The following ZNF234 variants were observed in gnomAD, a reference collection of about 807,000 sequenced individuals.
The protein encoded by ZNF234 is C2-H2 type zinc finger protein.
A neutral mutation model predicts 10.3 loss-of-function variants in ZNF234; 4 were observed. That is an observed-to-expected ratio of 0.39 (90% CI 0.19 to 0.89). The LOEUF (loss-of-function observed/expected upper bound fraction) is 0.89, where lower values mean the gene tolerates loss of function less well. Among genes scored for constraint, ZNF234 ranks in the 40% least tolerant of loss-of-function variants. The probability of loss-of-function intolerance (pLI) is 0.38; values close to 1 mark genes in which losing one functional copy is unlikely to be tolerated. For missense variants in ZNF234, 711 were observed against 836.1 expected (o/e 0.85, Z 1.85); for synonymous variants, 258 against 280.1 (o/e 0.92, Z 0.79).
chr19:44,156,741 G>T lies in ZNF234; in HGVS notation c.725G>T (p.Ser242Ile). 6.2e-7 allele frequency: 1 copy of T among 1,613,972 alleles called. No homozygotes were observed. The highest frequency in any genetic ancestry group is 1.7e-5 in the Admixed American group (1 of 60,012). ...FKCVECGKGF[S>I]RRSTLTVHCK... ...TGTGTGGAATGTGGGAAAGGCTTCA[G>T]TCGTAGATCAACACTTACTGTACAT... Residue 242 changes from serine (S) to isoleucine (I), a missense_variant, in exon 6 of 6, where the codon AGT (serine) becomes ATT (isoleucine). Physicochemically the swap from Ser to Ile is moderately radical, Grantham distance 142. Transcript: ENST00000426739.
chr19:44,155,213 C>G (rs948432769), intron 5 of ZNF234, among the ~76,000 whole-genome samples: 2 of 152,054 alleles, frequency 1.3e-5, no homozygotes, highest in Non-Finnish European at 2.9e-5. Context: ...TCTGTCAACA[C>G]AGAAAAATAA....
In ZNF234 at chr19:44,159,637, G is replaced by A. The variant is rs748057195; in HGVS notation, c.*1518G>A. On this transcript the variant is annotated 3_prime_UTR_variant, in exon 6 of 6. Coordinates refer to ENST00000426739, the MANE Select transcript of ZNF234 (RefSeq NM_006630.3). ...TAAAGTGTCAGAAGTAGTTGCCAAT[G>A]CCAAATTTTTATCAGCCCCCTTGAA... 1 of 473,792 alleles carries A rather than the reference G, an allele frequency of 2.1e-6. No homozygotes were observed. The highest frequency in any genetic ancestry group is 4.3e-6 in the Non-Finnish European group (1 of 229,956). 29.3% of individuals were successfully genotyped at this position (473,792 alleles called of 1,614,324 possible).
At chr19:44,146,277 A>G (rs1184528179) in intron 3 of ZNF234, among the ~76,000 whole-genome samples, 3 of 152,042 alleles carry the variant, frequency 2.0e-5, no homozygotes, top group African/African-American at 7.2e-5. Flanking sequence ...TGGTTATATA[A>G]AGTCTTTAAA....
At position 44,158,815 on chromosome 19, in the gene ZNF234, C is replaced by A. The variant is rs1568556274; in HGVS notation, c.*696C>A. 1 of 153,506 alleles carries A rather than the reference C, an allele frequency of 6.5e-6. No homozygotes were observed. Among genetic ancestry groups the A allele is most frequent in the African/African-American group, 2.4e-5 (1 of 41,376 alleles). 9.5% of individuals were successfully genotyped at this position (153,506 alleles called of 1,614,324 possible). A position where few individuals can be genotyped will look rare whatever the true frequency, so the allele number is the denominator to read the frequency against. On this transcript the variant is annotated 3_prime_UTR_variant, in exon 6 of 6. Transcript: ENST00000426739. Reference sequence around the variant, plus strand: ...CTGATGAAGGTGCCAGAATTGATGTCCATTAGACTGTAAGCTCCATGGGGG... The same window carrying A: ...CTGATGAAGGTGCCAGAATTGATGTACATTAGACTGTAAGCTCCATGGGGG...
intron 3 of ZNF234, 134 bp from the exon 4 acceptor site, chr19:44,148,637 A>C: frequency 8.1e-7 from 1 of 1,241,546 alleles, no homozygotes; most frequent in Non-Finnish European, 1.2e-6. Context: ...TGGAAGGAGA[A>C]GGGCTGAGAA....
intron 5 of ZNF234, among the ~76,000 whole-genome samples, chr19:44,151,468 A>T (rs1316566651): frequency 6.6e-6 from 1 of 152,208 alleles, no homozygotes; most frequent in Non-Finnish European, 1.5e-5. Context: ...AAGTGCTGGG[A>T]TTACAGGCAT....
intron 5 of ZNF234, 77 bp from the exon 6 acceptor site, chr19:44,156,175 G>A (rs888669166): frequency 4.9e-5 from 66 of 1,342,536 alleles, no homozygotes; most frequent in Admixed American, 9.7e-5. Flanking sequence ...TGTTAAAATC[G>A]CATGCTCTCG....
chr19:44,142,752 C>T (rs1968496150), intron 2 of ZNF234, among the ~76,000 whole-genome samples: 1 of 152,178 alleles, frequency 6.6e-6, no homozygotes, highest in Non-Finnish European at 1.5e-5. Context: ...TATTTTGTTT[C>T]ATTTATTACA....
At position 44,148,859 on chromosome 19, in the gene ZNF234, A is replaced by G; in HGVS notation, c.104A>G (p.Asp35Gly). The G allele has an allele frequency of 6.2e-7, 1 of 1,613,970 alleles. No homozygotes were observed. Among genetic ancestry groups the G allele is most frequent in the Non-Finnish European group, 8.5e-7 (1 of 1,179,886 alleles). ...LDPVQRNLYQ[D>G]VMLENFRNLL... Reference sequence around the variant, plus strand: ...CCTGTCCAGAGGAATCTGTACCAAGATGTGATGCTGGAGAACTTCAGGAAC... The same window carrying G: ...CCTGTCCAGAGGAATCTGTACCAAGGTGTGATGCTGGAGAACTTCAGGAAC... Residue 35 changes from aspartate (D) to glycine (G), a missense_variant, in exon 4 of 6, where the codon GAT becomes GGT. Coordinates refer to ENST00000426739, the MANE Select transcript of ZNF234 (RefSeq NM_006630.3).
At chr19:44,153,077 A>G (rs1055078716) in intron 5 of ZNF234, among the ~76,000 whole-genome samples, 5 of 151,154 alleles carry the variant, frequency 3.3e-5, no homozygotes, top group African/African-American at 9.7e-5. Context: ...TTCTTGCTCA[A>G]AATTGTCACA....
At chr19:44,146,806 CTTTTTTTTTTT>C (rs60083912) in intron 3 of ZNF234, among the ~76,000 whole-genome samples, 16 of 83,286 alleles carry the variant, frequency 1.9e-4, no homozygotes, top group Non-Finnish European at 3.0e-4. Flanking sequence ...CTCTCTCTCT[CTTTTTTTTTTT>C]TTTTTTTTTT....
At position 44,141,718 on chromosome 19, in the gene ZNF234, T is replaced by A. The variant is rs949628748; in HGVS notation, c.-146T>A. The A allele has an allele frequency of 6.6e-5, 10 of 152,408 alleles. No individual in the cohort carries two copies. The highest frequency in any genetic ancestry group is 2.4e-4 in the African/African-American group (10 of 41,434). 9.4% of individuals were successfully genotyped at this position (152,408 alleles called of 1,614,324 possible). On this transcript the variant is annotated 5_prime_UTR_variant, in exon 1 of 6. Coordinates refer to ENST00000426739, the MANE Select transcript of ZNF234 (RefSeq NM_006630.3). This position sits in a 1 kb window ranked among gnomAD's most constrained non-coding sequence, Gnocchi z 4.6. ...TGGTCCGGTTATGGGAAAAGAAGCC[T>A]CGTGGGAGAGCAGAGGTTTGGTGGG...
In ZNF234 at chr19:44,156,258, A is replaced by T; in HGVS notation, c.242A>T (p.Lys81Met). The change falls in exon 6 of 6, where the codon AAG (lysine) becomes ATG (methionine). Residue 81 changes from lysine to methionine, a missense_variant. Physicochemically the swap from Lys to Met is moderately conservative, Grantham distance 95. Coordinates refer to ENST00000426739, the MANE Select transcript of ZNF234 (RefSeq NM_006630.3). ...GAATTCTCTGTCCTTACAGCAGACA[A>T]GATCCAAAGTGAGGTGGAGACTGTT... ...ATQRKGKSAD[K>M]IQSEVETVPE... 6.5e-7 allele frequency: 1 copy of T among 1,545,594 alleles called. No homozygotes were observed. Among genetic ancestry groups the T allele is most frequent in the Non-Finnish European group, 8.7e-7 (1 of 1,152,000 alleles).
chr19:44,158,236 AT>A lies in ZNF234; in HGVS notation c.*120del. 1 of 1,133,896 alleles carries A rather than the reference AT, an allele frequency of 8.8e-7. No homozygotes were observed. The highest frequency in any genetic ancestry group is 1.3e-5 in the South Asian group (1 of 78,606). The allele number at this position is 1,133,896 out of a possible 1,614,324, so 70.2% of individuals were successfully genotyped here. A position where few individuals can be genotyped will look rare whatever the true frequency, so the allele number is the denominator to read the frequency against. On this transcript the variant is annotated 3_prime_UTR_variant, in exon 6 of 6. Transcript: ENST00000426739. ...ATTTATTTGATTTGTAACGCTCCAC[AT>A]TTCCACCTAGACTTTTTTTTGTTTT... is the stretch of plus-strand genomic sequence containing the variant.
chr19:44,158,117 T>C lies in ZNF234; in HGVS notation c.2101T>C (p.Ter701ArgextTer12). 6.6e-7 allele frequency: 1 copy of C among 1,520,792 alleles called. No homozygotes were observed. The highest frequency in any genetic ancestry group is 8.7e-7 in the Non-Finnish European group (1 of 1,153,566). The allele number at this position is 1,520,792 out of a possible 1,614,324, so 94.2% of individuals were successfully genotyped here. A position where few individuals can be genotyped will look rare whatever the true frequency, so the allele number is the denominator to read the frequency against. ...ELSEGGSSTR[*>R] ...GTCAGAGGGAGGAAGTTCTACAAGG[T>C]GATTAAAAAAAAAAAAACAGAACTC... The change falls in exon 6 of 6, where the codon TGA (stop) becomes CGA (arginine). Residue 701 changes from the stop codon to arginine, a stop_lost. Transcript: ENST00000426739.
intron 3 of ZNF234, 165 bp from the exon 4 acceptor site, chr19:44,148,606 C>T: frequency 1.0e-6 from 1 of 952,768 alleles, no homozygotes; most frequent in Non-Finnish European, 1.7e-6. Context: ...TAAGGAAAAT[C>T]AAAGTGTGGC....
At chr19:44,151,797 T>C (rs2122130132) in intron 5 of ZNF234, among the ~76,000 whole-genome samples, 1 of 152,286 alleles carries the variant, frequency 6.6e-6, no homozygotes, top group East Asian at 1.9e-4. Context: ...TATTCTCTCT[T>C]CATCCTTTTT....
At chr19:44,154,811 T>C (rs868689892) in intron 5 of ZNF234, among the ~76,000 whole-genome samples, 1 of 151,898 alleles carries the variant, frequency 6.6e-6, no homozygotes, top group African/African-American at 2.4e-5. Flanking sequence ...TTTTTAAAAG[T>C]TTTTTTGTAG....
At chr19:44,148,565 G>T (rs938509192) in intron 3 of ZNF234, 8 of 681,792 alleles carry the variant, frequency 1.2e-5, no homozygotes, top group Admixed American at 1.9e-5. Context: ...GGAATTGAAG[G>T]CTATTGTTAC....
Sources: allele counts gnomAD v4.1 joint callset (sites outside exome capture counted in the v4.1 genomes callset), GRCh38; gene constraint gnomAD v4.1.1; non-coding constraint Gnocchi (gnomAD v3.1); transcripts MANE v1.5; gene names NCBI Gene and HGNC (gene_info 2026-07-23, HGNC 2026-07-21).